Variants in PLCB4 observed in about 807,000 individuals in gnomAD.
The protein encoded by PLCB4 is phospholipase C beta 4, also known as 1-phosphatidylinositol 4,5-bisphosphate phosphodiesterase beta-4.
A neutral mutation model predicts 178.8 loss-of-function variants in PLCB4; 77 were observed. The observed-to-expected ratio is 0.43, with a 90% CI of 0.36 to 0.52. The LOEUF (loss-of-function observed/expected upper bound fraction) is 0.52, where lower values mean the gene tolerates loss of function less well. PLCB4 is among the 20% of genes least tolerant of loss of function. The pLI, the probability that PLCB4 is intolerant of heterozygous loss-of-function variation, is 0.00. For missense variants in PLCB4, 1,024 were observed against 1,453.4 expected (o/e 0.70, Z 4.80); for synonymous variants, 496 against 490.8 (o/e 1.01, Z -0.14).
chr20:9,220,299 C>G (rs2093782216), intron 3 of PLCB4, among the ~76,000 whole-genome samples: 1 of 152,204 alleles, frequency 6.6e-6, no homozygotes, highest in South Asian at 2.1e-4. Flanking sequence ...AAAAACCTAT[C>G]TAATGTTGGG....
intron 32 of PLCB4, among the ~76,000 whole-genome samples, chr20:9,449,303 A>G (rs1292089769): frequency 1.3e-5 from 2 of 152,130 alleles, no homozygotes; most frequent in East Asian, 3.9e-4. Context: ...TGTAAAACCC[A>G]AAGTTGGATA....
chr20:9,114,697 AGTT>A (rs1385642012), intron 2 of PLCB4, among the ~76,000 whole-genome samples: 1 of 152,144 alleles, frequency 6.6e-6, no homozygotes, highest in Non-Finnish European at 1.5e-5. Flanking sequence ...AGCAGTAGCC[AGTT>A]GTTGTCAGCA....
chr20:9,310,093 G>A (rs1362047533), intron 4 of PLCB4, among the ~76,000 whole-genome samples: 8 of 152,188 alleles, frequency 5.3e-5, no homozygotes, highest in African/African-American at 1.4e-4. Flanking sequence ...CAAGCTGGAT[G>A]ACAGCCAGTT....
intron 12 of PLCB4, among the ~76,000 whole-genome samples, chr20:9,373,652 C>A (rs745564900): frequency 1.3e-5 from 2 of 152,096 alleles, no homozygotes; most frequent in Non-Finnish European, 2.9e-5. Context: ...GAGTTTTAGG[C>A]TAATAGGATT....
At chr20:9,466,386 A>T (rs974907295) in intron 35 of PLCB4, among the ~76,000 whole-genome samples, 7 of 152,222 alleles carry the variant, frequency 4.6e-5, no homozygotes, top group African/African-American at 1.7e-4. Flanking sequence ...CAAGGACTTC[A>T]TGACTAAAAC....
intron 30 of PLCB4, 80 bp from the exon 31 acceptor site, chr20:9,443,901 C>T (rs536286487): frequency 9.6e-5 from 76 of 787,902 alleles, no homozygotes; most frequent in Middle Eastern, 7.3e-4. Flanking sequence ...GATGAGATTT[C>T]GATATGTCAG....
chr20:9,415,746 C>T (rs2040197804), intron 25 of PLCB4, among the ~76,000 whole-genome samples: 1 of 152,212 alleles, frequency 6.6e-6, no homozygotes, highest in African/African-American at 2.4e-5. Flanking sequence ...AAATGAAGGG[C>T]TCCTGAGAAT....
At chr20:9,202,611 C>T (rs914266157) in intron 2 of PLCB4, among the ~76,000 whole-genome samples, 6 of 152,150 alleles carry the variant, frequency 3.9e-5, no homozygotes, top group African/African-American at 1.4e-4. Flanking sequence ...AGCTTTCCCA[C>T]ATTCTCCCAG....
At chr20:9,457,137 A>G (rs1347761032) in intron 33 of PLCB4, among the ~76,000 whole-genome samples, 1 of 152,224 alleles carries the variant, frequency 6.6e-6, no homozygotes, top group Non-Finnish European at 1.5e-5. Context: ...TGAGAAAAAC[A>G]GGAACCAAAA....
intron 34 of PLCB4, among the ~76,000 whole-genome samples, chr20:9,457,880 A>G (rs1189437565): frequency 2.6e-5 from 4 of 152,180 alleles, no homozygotes; most frequent in African/African-American, 7.2e-5. Context: ...TACTTACTCC[A>G]TCCTAACTTT....
At chr20:9,323,375 T>C (rs895056119) in intron 4 of PLCB4, among the ~76,000 whole-genome samples, 2 of 152,240 alleles carry the variant, frequency 1.3e-5, no homozygotes, top group African/African-American at 4.8e-5. Flanking sequence ...ACTTACTCTT[T>C]TTTGTTCATT....
intron 35 of PLCB4, among the ~76,000 whole-genome samples, chr20:9,466,813 G>A (rs112602948): frequency 5.9e-5 from 9 of 152,228 alleles, no homozygotes; most frequent in Admixed American, 3.9e-4. Flanking sequence ...AAATAGGAAC[G>A]CTTTTACACT....
chr20:9,228,738 C>T (rs1203905288), intron 3 of PLCB4, among the ~76,000 whole-genome samples: 2 of 152,126 alleles, frequency 1.3e-5, no homozygotes, highest in Non-Finnish European at 2.9e-5. Context: ...TGAAACACTT[C>T]AGTAACTATA....
intron 4 of PLCB4, among the ~76,000 whole-genome samples, chr20:9,332,724 C>T (rs2031869272): frequency 6.6e-6 from 1 of 152,088 alleles, no homozygotes; most frequent in Non-Finnish European, 1.5e-5. Context: ...CTGGGGAGCC[C>T]AGAGCCAAGT....
rs145179097 is a variant in PLCB4 at position 9,223,515 on chromosome 20, C to T, written c.-16+6063C>T. On this transcript the variant is annotated intron_variant, in intron 3 of 39. Transcript: ENST00000378473. ...GCAGTTGCAGTCAGGTGGCAGCTGA[C>T]GCTGGAAGAGCAGGCAGCTGGTATG... Among the ~76,000 whole-genome samples the T allele has an allele frequency of 4.7e-3, 709 of 152,282 alleles. 4 individuals are homozygous for T. The highest frequency in any genetic ancestry group is 6.8e-3 in the Middle Eastern group (2 of 294).
At chr20:9,086,393 G>T (rs568992049) in intron 1 of PLCB4, among the ~76,000 whole-genome samples, 3 of 152,046 alleles carry the variant, frequency 2.0e-5, no homozygotes, top group Admixed American at 6.6e-5. Context: ...GGTTGTGAGC[G>T]TGTATGATGT....
chr20:9,190,761 A>G (rs1260890101), intron 2 of PLCB4, among the ~76,000 whole-genome samples: 3 of 152,144 alleles, frequency 2.0e-5, no homozygotes, highest in African/African-American at 4.8e-5. Flanking sequence ...AACATTTTGT[A>G]TTTGAGAATA....
At chr20:9,466,728 G>A (rs187753084) in intron 35 of PLCB4, among the ~76,000 whole-genome samples, 273 of 152,290 alleles carry the variant, frequency 1.8e-3, no homozygotes, top group African/African-American at 6.1e-3. Flanking sequence ...AACCACAAGA[G>A]TTGCCATCTC....
At chr20:9,242,979 A>G (rs1348239366) in intron 3 of PLCB4, among the ~76,000 whole-genome samples, 1 of 152,200 alleles carries the variant, frequency 6.6e-6, no homozygotes, top group Non-Finnish European at 1.5e-5. Context: ...TGGATTTAGC[A>G]AATAAAAAAT....
Sources: gnomAD v4.1 joint callset for allele counts (sites outside exome capture counted in the v4.1 genomes callset) on GRCh38, gnomAD v4.1.1 for gene constraint, MANE v1.5 for transcripts, NCBI Gene and HGNC (gene_info 2026-07-23, HGNC 2026-07-21) for gene names.